ASXL1: variants seen among roughly 807,000 people sequenced by gnomAD.
ASXL1 encodes the protein polycomb group protein ASXL1.
ASXL1 carries 65 observed loss-of-function variants against 89.1 expected under a neutral mutation model. The observed-to-expected ratio is 0.73, with a 90% CI of 0.60 to 0.90. The LOEUF (loss-of-function observed/expected upper bound fraction) is 0.90. Among genes scored for constraint, ASXL1 ranks in the 40% least tolerant of loss-of-function variants. The pLI, the probability that ASXL1 is intolerant of heterozygous loss-of-function variation, is 0.00. For synonymous variants in ASXL1, 739 were observed against 746.9 expected (o/e 0.99, Z 0.17); for missense variants, 1,786 against 1,942.9 (o/e 0.92, Z 1.52).
Position 32,436,789 on chromosome 20 carries a change from G to A in ASXL1, c.4077G>A (p.Lys1359=), listed in dbSNP as rs767822088. ...CTCCAAGGGAAGACTGGGCTCCAAA[G>A]CCACATGCCTTTGTTGGCAGCGTCA... ...VQTPREDWAP[K]PHAFVGSVKN... is the part of the protein sequence containing the mutation. The change falls in exon 13 of 13, where the codon AAG becomes AAA. Residue 1359 remains lysine, a synonymous_variant. Transcript: ENST00000375687. 3.7e-6 allele frequency: 6 copies of A among 1,614,086 alleles called. No individual in the cohort carries two copies. In the South Asian group the frequency reaches 5.5e-5, roughly 15 times the overall value.
intron 2 of ASXL1, among the ~76,000 whole-genome samples, chr20:32,366,860 A>G (rs558457628): frequency 5.6e-4 from 85 of 152,252 alleles, no homozygotes; most frequent in Non-Finnish European, 9.6e-4. Flanking sequence ...GAATAAAAGA[A>G]CAGTGGTCTC....
chr20:32,389,975 T>C (rs2048644084), intron 4 of ASXL1, among the ~76,000 whole-genome samples: 1 of 152,136 alleles, frequency 6.6e-6, no homozygotes, highest in African/African-American at 2.4e-5. Flanking sequence ...GCTATTTAAA[T>C]ATATGCCATA....
intron 1 of ASXL1, chr20:32,359,107 C>T: frequency 1.7e-6 from 1 of 605,056 alleles, no homozygotes; most frequent in Middle Eastern, 4.4e-4. Flanking sequence ...GCTCCTCCCA[C>T]TCTGGGCAGC....
At chr20:32,382,205 C>G (rs2048499786) in intron 4 of ASXL1, among the ~76,000 whole-genome samples, 2 of 151,828 alleles carry the variant, frequency 1.3e-5, no homozygotes, top group Admixed American at 1.3e-4. Context: ...GAATTCTCGT[C>G]CTCAGGTGAT....
rs868446207 is a variant in ASXL1, at chr20:32,434,585, C to A, written c.1873C>A (p.Arg625=). 1 of 1,613,192 alleles carries A rather than the reference C, an allele frequency of 6.2e-7. No homozygotes were observed. The highest frequency in any genetic ancestry group is 8.5e-7 in the Non-Finnish European group (1 of 1,179,948). Reference sequence around the variant, plus strand: ...CATTAAAGCCCGTGCTCTGCAGGTCCGAGGGGCGAGAGGTCACCACTGCCA... The same window carrying A: ...CATTAAAGCCCGTGCTCTGCAGGTCAGAGGGGCGAGAGGTCACCACTGCCA... ...ADIKARALQV[R]GARGHHCHRE... Residue 625 remains arginine, a synonymous_variant, in exon 13 of 13, where the codon CGA becomes AGA. Coordinates refer to ENST00000375687, the MANE Select transcript of ASXL1 (RefSeq NM_015338.6).
In ASXL1 at chr20:32,435,854, G is replaced by A. The variant is rs1361367953; in HGVS notation, c.3142G>A (p.Gly1048Ser). The change falls in exon 13 of 13, where the codon GGT (glycine) becomes AGT (serine). Residue 1048 changes from glycine to serine, a missense_variant. Physicochemically the swap from Gly to Ser is moderately conservative, Grantham distance 56. Around this residue, in one of 3 missense-constraint regions of ASXL1, gnomAD observed 1,418 missense variants for 1,427.8 expected, o/e 0.99. Transcript: ENST00000375687. ...NQSAPLSKVN[G>S]DMRLVTRTDG... ...ATCTGCCCCACTGTCCAAGGTGAAT[G>A]GTGACATGCGTCTGGTTACAAGGAC... 3 of 1,614,206 alleles carry A rather than the reference G, an allele frequency of 1.9e-6. No individual in the cohort carries two copies. The highest frequency in any genetic ancestry group is 2.2e-5 in the South Asian group (2 of 91,086).
chr20:32,438,566 A>G lies in ASXL1; in HGVS notation c.*1228A>G. 4.3e-6 allele frequency: 1 copy of G among 233,630 alleles called. No homozygotes were observed. The highest frequency in any genetic ancestry group is 5.6e-5 in the Admixed American group (1 of 17,804). The allele number at this position is 233,630 out of a possible 1,614,324, so 14.5% of individuals were successfully genotyped here. A position where few individuals can be genotyped will look rare whatever the true frequency, so the allele number is the denominator to read the frequency against. On this transcript the variant is annotated 3_prime_UTR_variant, in exon 13 of 13. Transcript: ENST00000375687. Reference sequence around the variant, plus strand: ...GCCACAGTCAGCCTGCCCACATGCCACCGAGCAAACGCATCTTGCTTTTCA... The same window carrying G: ...GCCACAGTCAGCCTGCCCACATGCCGCCGAGCAAACGCATCTTGCTTTTCA...
At chr20:32,422,679 C>G (rs761418278) in intron 4 of ASXL1, among the ~76,000 whole-genome samples, 18 of 149,168 alleles carry the variant, frequency 1.2e-4, no homozygotes, top group Non-Finnish European at 2.4e-4. Flanking sequence ...CTTTGCCTTC[C>G]AGGTTCAAGT....
rs777749661 is a variant in ASXL1 at position 32,434,644 on chromosome 20, G to A, written c.1932G>A (p.Gly644=). 3.1e-6 allele frequency: 5 copies of A among 1,605,100 alleles called. No individual in the cohort carries two copies. The highest frequency in any genetic ancestry group is 4.3e-6 in the Non-Finnish European group (5 of 1,175,750). ...CGGCCACCACTGCCATCGGAGGGGG[G>A]GGTGGCCCGGGTGGAGGTGGCGGCG... ...REAATTAIGG[G]GGPGGGGGGA... The change falls in exon 13 of 13, where the codon GGG becomes GGA. Residue 644 remains glycine (G), a synonymous_variant. Transcript: ENST00000375687.
At chr20:32,366,291 G>T in intron 1 of ASXL1, 93 bp from the exon 2 acceptor site, 1 of 1,105,012 alleles carries the variant, frequency 9.0e-7, no homozygotes, top group South Asian at 1.3e-5. Context: ...GTCACCAGCG[G>T]TACCTCATAG....
intron 4 of ASXL1, among the ~76,000 whole-genome samples, chr20:32,390,345 T>C (rs904835260): frequency 6.6e-6 from 1 of 152,256 alleles, no homozygotes. Context: ...CAGGGTATGC[T>C]GTATATTTTA....
intron 4 of ASXL1, chr20:32,372,377 C>T (rs1048902878): frequency 7.9e-6 from 9 of 1,136,556 alleles, no homozygotes; most frequent in African/African-American, 6.4e-5. Context: ...TGGCCTTTTA[C>T]ATCCATAGGC....
intron 4 of ASXL1, chr20:32,427,028 A>G (rs1169783357): frequency 2.0e-5 from 3 of 152,182 alleles, no homozygotes; most frequent in Non-Finnish European, 4.4e-5. Flanking sequence ...TGACTTTATC[A>G]ACTCTTTTTC....
chr20:32,434,619 CGGCCACCACTGCCATCGGAGGGGG>C lies in ASXL1; in HGVS notation c.1910_1933del (p.Ala637_Gly644del), dbSNP rs1163258182. 6 of 1,609,666 alleles carry C rather than the reference CGGCCACCACTGCCATCGGAGGGGG, an allele frequency of 3.7e-6. No individual in the cohort carries two copies. Among genetic ancestry groups the C allele is most frequent in the Non-Finnish European group, 4.2e-6 (5 of 1,177,902 alleles). On this transcript the variant is annotated inframe_deletion, in exon 13 of 13. Transcript: ENST00000375687. ...AGAGGTCACCACTGCCATAGAGAGG[CGGCCACCACTGCCATCGGAGGGGG>C]GGGTGGCCCGGGTGGAGGTGGCGGC...
At chr20:32,375,683 TG>T (rs1459518854) in intron 4 of ASXL1, among the ~76,000 whole-genome samples, 15 of 151,152 alleles carry the variant, frequency 9.9e-5, no homozygotes, top group Admixed American at 7.2e-4. Context: ...TTTTTTGTTT[TG>T]TTTTGTTTTG....
In ASXL1 at chr20:32,369,078, G is replaced by C. The variant is rs748455832; in HGVS notation, c.207G>C (p.Gly69=). 2 of 1,613,908 alleles carry C rather than the reference G, an allele frequency of 1.2e-6. No individual in the cohort carries two copies. Among genetic ancestry groups the C allele is most frequent in the South Asian group, 1.1e-5 (1 of 91,066 alleles). The change falls in exon 4 of 13, where the codon GGG becomes GGC. Residue 69 remains glycine, a synonymous_variant. Transcript: ENST00000375687. The part of the protein sequence containing the change: ...MLHSNSRGGE[G]LFYKLPGRIS... ...ATTCCAATTCAAGAGGAGGAGAGGG[G>C]TTGTTTTATAAACTGCCTGGCCGAA...
intron 1 of ASXL1, among the ~76,000 whole-genome samples, chr20:32,364,787 A>G (rs553004752): frequency 6.6e-6 from 1 of 152,356 alleles, no homozygotes; most frequent in East Asian, 1.9e-4. Flanking sequence ...CTACCAGAGC[A>G]GGGATTTGGT....
At chr20:32,398,283 G>C (rs1245375299) in intron 4 of ASXL1, among the ~76,000 whole-genome samples, 1 of 151,902 alleles carries the variant, frequency 6.6e-6, no homozygotes, top group South Asian at 2.1e-4. Context: ...GTGCAGTGAC[G>C]CGATCTCGGC....
intron 4 of ASXL1, among the ~76,000 whole-genome samples, chr20:32,404,759 TGTTA>T (rs1015290650): frequency 2.0e-4 from 30 of 152,324 alleles, no homozygotes; most frequent in East Asian, 9.6e-4. Flanking sequence ...ACTAGTATGA[TGTTA>T]GTTATAGACA....
Sources: gnomAD v4.1 joint callset for allele counts (sites outside exome capture counted in the v4.1 genomes callset) on GRCh38, gnomAD v4.1.1 for gene constraint, gnomAD v4.1.1 regional missense constraint, MANE v1.5 for transcripts, NCBI Gene and HGNC (gene_info 2026-07-23, HGNC 2026-07-21) for gene names.